The following STRN variants were observed in gnomAD, a reference collection of about 807,000 sequenced individuals.
The protein encoded by STRN is striatin, also known as protein phosphatase 2 regulatory subunit B'''alpha.
STRN carries 53 observed loss-of-function variants against 96.3 expected under a neutral mutation model. That is an observed-to-expected ratio of 0.55 (90% CI 0.44 to 0.69). STRN has a LOEUF of 0.69. Among genes scored for constraint, STRN ranks in the 30% least tolerant of loss-of-function variants. STRN has a pLI of 0.00. For missense variants in STRN, 987 were observed against 963.9 expected, an observed-to-expected ratio of 1.02 and a Z score of -0.32; for synonymous variants, 428 against 355.9, an observed-to-expected ratio of 1.20 and a Z score of -2.28.
intron 6 of STRN, among the ~76,000 whole-genome samples, chr2:36,899,181 C>G (rs1416254019): frequency 2.6e-5 from 4 of 152,188 alleles, no homozygotes; most frequent in African/African-American, 9.7e-5. Context: ...TAGCTGCCAT[C>G]AGGCACCATG....
rs1444972483 is a variant in STRN at position 36,849,124 on chromosome 2, T to G, written c.*332A>C. On this transcript the variant is annotated 3_prime_UTR_variant, in exon 18 of 18. Coordinates refer to ENST00000263918, the MANE Select transcript of STRN (RefSeq NM_003162.4). ...AGCTTTTAAATTATCCATTGTAGCATGCCCTACTTACTCAACAGGGACAAG... is the reference window on the plus strand; with the variant it reads ...AGCTTTTAAATTATCCATTGTAGCAGGCCCTACTTACTCAACAGGGACAAG... The G allele has an allele frequency of 4.3e-6, 1 of 232,566 alleles. No homozygotes were observed. Among genetic ancestry groups the G allele is most frequent in the Non-Finnish European group, 8.5e-6 (1 of 118,278 alleles). The allele number at this position is 232,566 out of a possible 1,614,324, so 14.4% of individuals were successfully genotyped here. A position where few individuals can be genotyped will look rare whatever the true frequency, so the allele number is the denominator to read the frequency against.
rs988550140 is a variant in STRN, at chr2:36,849,586, T to C, written c.2213A>G (p.Lys738Arg). 27 of 1,614,068 alleles carry C rather than the reference T, an allele frequency of 1.7e-5. No individual in the cohort carries two copies. Among genetic ancestry groups the C allele is most frequent in the Non-Finnish European group, 2.3e-5 (27 of 1,180,020 alleles). The change falls in exon 18 of 18, where the codon AAG (lysine) becomes AGG (arginine). Residue 738 changes from lysine (K) to arginine (R), a missense_variant. Transcript: ENST00000263918. ...CSIRLWNLES[K>R]TCIQEFTAHR... ...AGCTGTGAATTCTTGGATACACGTC[T>C]TACTTTCTAGATTCCATAAACGTAT... is the stretch of plus-strand genomic sequence containing the variant.
intron 14 of STRN, among the ~76,000 whole-genome samples, chr2:36,857,643 G>C (rs772969422): frequency 5.3e-5 from 8 of 152,028 alleles, no homozygotes; most frequent in Non-Finnish European, 1.0e-4. Context: ...CTGGGCAACA[G>C]AGTGATACTC....
At chr2:36,881,483 C>G (rs1275418097) in intron 9 of STRN, among the ~76,000 whole-genome samples, 1 of 152,168 alleles carries the variant, frequency 6.6e-6, no homozygotes, top group Admixed American at 6.5e-5. Context: ...TTATAGAGCA[C>G]ACACAGCATA....
intron 5 of STRN, 31 bp from the exon 6 acceptor site, chr2:36,899,689 T>A: frequency 2.0e-6 from 3 of 1,538,188 alleles, no homozygotes; most frequent in Middle Eastern, 1.7e-4. Flanking sequence ...CCTGCTTAGT[T>A]AATCTTTTTA....
chr2:36,872,077 G>A (rs1668775747), intron 10 of STRN, among the ~76,000 whole-genome samples: 1 of 152,194 alleles, frequency 6.6e-6, no homozygotes, highest in Admixed American at 6.5e-5. Context: ...ACGTCTTAAT[G>A]TGGTAGGCAG....
chr2:36,865,372 T>G (rs1407357283), intron 12 of STRN, among the ~76,000 whole-genome samples: 1 of 152,176 alleles, frequency 6.6e-6, no homozygotes, highest in Non-Finnish European at 1.5e-5. Context: ...CTTTTTTTCT[T>G]TATTAGTTTA....
At chr2:36,924,264 G>A (rs551917080) in intron 2 of STRN, among the ~76,000 whole-genome samples, 2 of 151,064 alleles carry the variant, frequency 1.3e-5, no homozygotes, top group African/African-American at 4.9e-5. Flanking sequence ...GCTGAGGCAG[G>A]AGAATGGTGT....
chr2:36,956,205 A>C (rs1664883790), intron 1 of STRN, among the ~76,000 whole-genome samples: 1 of 152,214 alleles, frequency 6.6e-6, no homozygotes, highest in Non-Finnish European at 1.5e-5. Flanking sequence ...TAAATAATAA[A>C]TCTAATGCCT....
At position 36,916,148 on chromosome 2, in the gene STRN, G is replaced by A. The variant is rs1324735097; in HGVS notation, c.342C>T (p.Ala114=). The A allele has an allele frequency of 3.7e-6, 6 of 1,612,522 alleles. No homozygotes were observed. Among genetic ancestry groups the A allele is most frequent in the East Asian group, 2.2e-5 (1 of 44,804 alleles). ...MLEYALKQER[A]KYHKLKYGTE... ...TCCCGTATTTCAACTTGTGGTATTT[G>A]GCTCTAACAAAGAAATGAGAAAATA... Residue 114 remains alanine (A), a synonymous_variant, in exon 3 of 18, where the codon GCC becomes GCT. Transcript: ENST00000263918.
chr2:36,897,896 G>A (rs1249962636), intron 6 of STRN, among the ~76,000 whole-genome samples: 1 of 151,654 alleles, frequency 6.6e-6, no homozygotes, highest in African/African-American at 2.4e-5. Flanking sequence ...TTGCTATGTT[G>A]CCTAGGCTGG....
chr2:36,887,302 TAA>T (rs1669262759), intron 7 of STRN, among the ~76,000 whole-genome samples: 1 of 149,506 alleles, frequency 6.7e-6, no homozygotes, highest in African/African-American at 2.4e-5. Context: ...AATAAATAAA[TAA>T]ATAAATAAAT....
Position 36,846,025 on chromosome 2 carries a change from C to T in STRN, c.*3431G>A, listed in dbSNP as rs1240778270. 1 of 22,792 alleles carries T rather than the reference C, an allele frequency of 4.4e-5. No individual in the cohort carries two copies. Among genetic ancestry groups the T allele is most frequent in the African/African-American group, 6.8e-5 (1 of 14,782 alleles). 1.4% of individuals were successfully genotyped at this position (22,792 alleles called of 1,614,324 possible). A position where few individuals can be genotyped will look rare whatever the true frequency, so the allele number is the denominator to read the frequency against. On this transcript the variant is annotated 3_prime_UTR_variant, in exon 18 of 18. Transcript: ENST00000263918. ...CTCAATCTTCATCCTCACTGTAAGG[C>T]TGCATTTTTTTTTTTAAAGGCACCT...
At chr2:36,957,744 CTTTTTTTTTTTT>C (rs1159531782) in intron 1 of STRN, among the ~76,000 whole-genome samples, 2 of 89,208 alleles carry the variant, frequency 2.2e-5, no homozygotes, top group African/African-American at 9.0e-5. Context: ...TTCTTTTTGT[CTTTTTTTTTTTT>C]TTTTTTTTTT....
chr2:36,866,805 G>C (rs1308872856), intron 12 of STRN, among the ~76,000 whole-genome samples: 1 of 152,134 alleles, frequency 6.6e-6, no homozygotes, highest in East Asian at 1.9e-4. Context: ...ACTGATCTTT[G>C]TTGGTTTAAA....
At chr2:36,933,607 C>G (rs1670628047) in intron 1 of STRN, among the ~76,000 whole-genome samples, 1 of 152,124 alleles carries the variant, frequency 6.6e-6, no homozygotes, top group Admixed American at 6.5e-5. Flanking sequence ...ATGAGTCTAG[C>G]CTAACACCAA....
At chr2:36,853,144 G>T (rs994616125) in intron 15 of STRN, among the ~76,000 whole-genome samples, 1 of 134,088 alleles carries the variant, frequency 7.5e-6, no homozygotes, top group Non-Finnish European at 1.6e-5. Context: ...GCAACAGAGC[G>T]AGACTCTGTC....
intron 5 of STRN, among the ~76,000 whole-genome samples, chr2:36,900,425 C>A (rs182103765): frequency 3.9e-4 from 59 of 152,158 alleles, no homozygotes; most frequent in African/African-American, 1.4e-3. Context: ...TGTATTTCTG[C>A]TTAACAGCTA....
intron 12 of STRN, among the ~76,000 whole-genome samples, chr2:36,866,047 T>C (rs962535570): frequency 4.6e-5 from 7 of 152,128 alleles, no homozygotes; most frequent in Non-Finnish European, 8.8e-5. Flanking sequence ...AACTGTATGG[T>C]TTTGAGCAAT....
Sources: gnomAD v4.1 joint callset for allele counts (sites outside exome capture counted in the v4.1 genomes callset) on GRCh38, gnomAD v4.1.1 for gene constraint, MANE v1.5 for transcripts, NCBI Gene and HGNC (gene_info 2026-07-23, HGNC 2026-07-21) for gene names.